The following WTIP variants were observed in gnomAD, a reference collection of about 807,000 sequenced individuals.
WTIP encodes WT1 interacting protein, also known as Wilms tumor protein 1-interacting protein.
A neutral mutation model predicts 41.7 loss-of-function variants in WTIP; 23 were observed. The ratio of observed to expected loss-of-function variants is 0.55; its 90% CI spans 0.40 to 0.78. The LOEUF (loss-of-function observed/expected upper bound fraction) is 0.78, where lower values mean the gene tolerates loss of function less well. Ranked by LOEUF, WTIP falls within the 30% of genes least tolerant of loss-of-function variation. The pLI, the probability that WTIP is intolerant of heterozygous loss-of-function variation, is 0.00. For synonymous variants in WTIP, 314 were observed against 269.9 expected, an observed-to-expected ratio of 1.16 and a Z score of -1.60; for missense variants, 619 against 610.5, an observed-to-expected ratio of 1.01 and a Z score of -0.15.
At position 34,482,380 on chromosome 19, in the gene WTIP, T is replaced by G; in HGVS notation, c.406T>G (p.Ser136Ala). The change falls in exon 1 of 8, where the codon TCG (serine) becomes GCG (alanine). Residue 136 changes from serine to alanine, a missense_variant. Around this residue, in one of 3 missense-constraint regions of WTIP, gnomAD observed 363 missense variants for 309.0 expected, o/e 1.17. Transcript: ENST00000590071. Reference sequence around the variant, plus strand: ...CCCGCGTCCCGGTCCCGGGCCGCCTTCGGTGGGCAGCGCCCGCTCCAGCGT... The same window carrying G: ...CCCGCGTCCCGGTCCCGGGCCGCCTGCGGTGGGCAGCGCCCGCTCCAGCGT... The part of the protein sequence containing the change: ...SDPRPGPGPP[S>A]VGSARSSVSS... 7.3e-7 allele frequency: 1 copy of G among 1,366,550 alleles called. No homozygotes were observed. The allele number at this position is 1,366,550 out of a possible 1,614,324, so 84.7% of individuals were successfully genotyped here.
chr19:34,493,083 G>A lies in WTIP; in HGVS notation c.816G>A (p.Val272=), dbSNP rs763815672. 27 of 1,613,822 alleles carry A rather than the reference G, an allele frequency of 1.7e-5. No homozygotes were observed. In the Admixed American group the frequency reaches 4.2e-4, roughly 25 times the overall value. Residue 272 remains valine (V), a synonymous_variant, in exon 3 of 8, where the codon GTG becomes GTA. Coordinates refer to ENST00000590071, the MANE Select transcript of WTIP (RefSeq NM_001080436.2). This position sits in a 1 kb window ranked among gnomAD's most constrained non-coding sequence, Gnocchi z 4.1. Reference sequence around the variant, plus strand: ...CGTTCTACAACGTGGGTGAGAAAGTGTACTGCCAGGAGGACTTCCTGGTGA... The same window carrying A: ...CGTTCTACAACGTGGGTGAGAAAGTATACTGCCAGGAGGACTTCCTGGTGA... ...GKAFYNVGEK[V]YCQEDFLYSG... is the part of the protein sequence containing the mutation.
chr19:34,495,906 C>T (rs2145606159), intron 7 of WTIP, 135 bp downstream of exon 7: 1 of 854,394 alleles, frequency 1.2e-6, no homozygotes, highest in Non-Finnish European at 1.8e-6. Flanking sequence ...CCTGTAATCC[C>T]AGCACTTTGG....
intron 7 of WTIP, among the ~76,000 whole-genome samples, chr19:34,498,317 A>G (rs2075866399): frequency 6.6e-6 from 1 of 152,040 alleles, no homozygotes; most frequent in Non-Finnish European, 1.5e-5. Context: ...GGTGGCATTC[A>G]TCCCTTCACC....
chr19:34,489,930 T>G (rs1481843944), intron 1 of WTIP, among the ~76,000 whole-genome samples: 1 of 152,040 alleles, frequency 6.6e-6, no homozygotes, highest in Non-Finnish European at 1.5e-5. Context: ...CGAGATCCTG[T>G]CTCTCTCCCA....
At position 34,500,250 on chromosome 19, in the gene WTIP, T is replaced by C. The variant is rs1260061952; in HGVS notation, c.1274T>C (p.Val425Ala). Residue 425 changes from valine (V) to alanine (A), a missense_variant, in exon 8 of 8, where the codon GTG (valine) becomes GCG (alanine). By Grantham distance (64) the Val-to-Ala change is moderately conservative (BLOSUM62 0). Coordinates refer to ENST00000590071, the MANE Select transcript of WTIP (RefSeq NM_001080436.2). ...LQPGPLPSPT[V>A]HVTEL ...CCTGGGCCTCTTCCCTCACCCACTGTGCACGTCACTGAGCTCTGAGCAGGG... is the reference window on the plus strand; with the variant it reads ...CCTGGGCCTCTTCCCTCACCCACTGCGCACGTCACTGAGCTCTGAGCAGGG... 6.8e-6 allele frequency: 11 copies of C among 1,608,100 alleles called. No homozygotes were observed. Among genetic ancestry groups the C allele is most frequent in the Non-Finnish European group, 9.3e-6 (11 of 1,179,208 alleles).
chr19:34,482,976 CTTCTTTCTTCTTTTTTTTTT>C (rs1165010982), intron 1 of WTIP, among the ~76,000 whole-genome samples: 27 of 139,570 alleles, frequency 1.9e-4, no homozygotes, highest in South Asian at 6.9e-4. Context: ...ATAATTTTTT[CTTCTTTCTTCTTTTTTTTTT>C]TTCTTTCTTC....
chr19:34,486,713 C>T (rs1225617879), intron 1 of WTIP, among the ~76,000 whole-genome samples: 1 of 152,034 alleles, frequency 6.6e-6, no homozygotes, highest in East Asian at 1.9e-4. Context: ...TTCCTCCCTC[C>T]TGGGACCCCT....
At position 34,482,081 on chromosome 19, in the gene WTIP, G is replaced by A; in HGVS notation, c.107G>A (p.Gly36Glu). ...GCGSPGRGRR[G>E]PRPGPGDEAA... ...GGCTCTCCCGGTCGGGGGCGGCGGG[G>A]GCCGCGGCCTGGGCCTGGAGACGAG... The change falls in exon 1 of 8, where the codon GGG becomes GAG. Residue 36 changes from glycine to glutamate, a missense_variant. Around this residue, in one of 3 missense-constraint regions of WTIP, gnomAD observed 363 missense variants for 309.0 expected, o/e 1.17. Transcript: ENST00000590071. 9.6e-7 allele frequency: 1 copy of A among 1,037,588 alleles called. No homozygotes were observed. The highest frequency in any genetic ancestry group is 8.1e-5 in the East Asian group (1 of 12,408). The allele number at this position is 1,037,588 out of a possible 1,614,324, so 64.3% of individuals were successfully genotyped here. A position where few individuals can be genotyped will look rare whatever the true frequency, so the allele number is the denominator to read the frequency against.
At chr19:34,500,008 C>G in intron 7 of WTIP, 121 bp from the exon 8 acceptor site, 1 of 1,410,658 alleles carries the variant, frequency 7.1e-7, no homozygotes, top group Non-Finnish European at 9.5e-7. Context: ...GCGGAAGAGT[C>G]TTCATGTTGT....
At position 34,508,998 on chromosome 19, in the gene WTIP, T is replaced by C. The variant is rs1436248023; in HGVS notation, c.*8729T>C. ...TATTTCTTATAAAACATCATCTGTT[T>C]TTCTACTGGACCTGGCTTTTATAAA... On this transcript the variant is annotated 3_prime_UTR_variant, in exon 8 of 8. Transcript: ENST00000590071. 4 of 152,246 alleles carry C rather than the reference T, an allele frequency of 2.6e-5. No individual in the cohort carries two copies. Among genetic ancestry groups the C allele is most frequent in the Non-Finnish European group, 4.4e-5 (3 of 68,046 alleles). 9.4% of individuals were successfully genotyped at this position (152,246 alleles called of 1,614,324 possible).
In WTIP at chr19:34,482,658, C is replaced by G. The variant is rs137959513; in HGVS notation, c.667+17C>G. 6 of 1,226,598 alleles carry G rather than the reference C, an allele frequency of 4.9e-6. No homozygotes were observed. The highest frequency in any genetic ancestry group is 5.1e-6 in the Non-Finnish European group (5 of 984,784). 76.0% of individuals were successfully genotyped at this position (1,226,598 alleles called of 1,614,324 possible). A position where few individuals can be genotyped will look rare whatever the true frequency, so the allele number is the denominator to read the frequency against. Reference sequence around the variant, plus strand: ...ACTACTTCGGTGAGCTCGCTCGGCCCGGCAGTTCCCTGCGCGCATGGCTGG... The same window carrying G: ...ACTACTTCGGTGAGCTCGCTCGGCCGGGCAGTTCCCTGCGCGCATGGCTGG... On this transcript the variant is annotated intron_variant, in intron 1 of 7. Transcript: ENST00000590071.
At chr19:34,483,560 A>G (rs1352316857) in intron 1 of WTIP, among the ~76,000 whole-genome samples, 1 of 152,122 alleles carries the variant, frequency 6.6e-6, no homozygotes, top group Admixed American at 6.5e-5. Flanking sequence ...GGAGAGGGGA[A>G]CCGTGCCAGT....
intron 1 of WTIP, among the ~76,000 whole-genome samples, chr19:34,487,640 A>G (rs1390749238): frequency 1.3e-5 from 2 of 152,212 alleles, no homozygotes; most frequent in Non-Finnish European, 2.9e-5. Flanking sequence ...AGTGTGGGCC[A>G]TGTTCTCTTT....
At chr19:34,500,053 GT>G in intron 7 of WTIP, 75 bp from the exon 8 acceptor site, 1 of 1,549,768 alleles carries the variant, frequency 6.5e-7, no homozygotes. Context: ...CCTCCCCTCC[GT>G]CCCTCCCCCG....
chr19:34,500,109 GGGGCTGTGTTCTTCCCTAGGACTGC>G lies in WTIP; in HGVS notation c.1153-13_1164del, dbSNP rs773178066. On this transcript the variant is annotated splice_acceptor_variant and splice_polypyrimidine_tract_variant and coding_sequence_variant and intron_variant, in exon 8 of 8. Coordinates refer to ENST00000590071, the MANE Select transcript of WTIP (RefSeq NM_001080436.2). LOFTEE classifies it high-confidence loss of function. ...CGCTTGTCTGCTGACTCTGGGGCTGGGGGCTGTGTTCTTCCCTAGGACTGCGGGCTGCAGCTGAGCGGGGAGGAGG... is the reference window on the plus strand; with the variant it reads ...CGCTTGTCTGCTGACTCTGGGGCTGGGGGCTGCAGCTGAGCGGGGAGGAGG... The G allele has an allele frequency of 6.9e-6, 11 of 1,597,768 alleles. No homozygotes were observed. The African/African-American group carries it at 1.1e-4, about 16-fold the overall frequency.
rs200387498 is a variant in WTIP at position 34,496,256 on chromosome 19, C to T, written c.1152+485C>T. 1.2e-4 allele frequency among the ~76,000 whole-genome samples: 19 copies of T among 152,358 alleles called. No individual in the cohort carries two copies. The East Asian group carries it at 3.7e-3, about 29-fold the overall frequency. ...GCACGATTATAGCTCACTGGAGCCT[C>T]AACCTCCTGGCTCAAGCTATCTTCT... On this transcript the variant is annotated intron_variant, in intron 7 of 7. Transcript: ENST00000590071.
Position 34,500,505 on chromosome 19 carries a change from A to T in WTIP, c.*236A>T, listed in dbSNP as rs2075879534. 2 of 566,616 alleles carry T rather than the reference A, an allele frequency of 3.5e-6. No homozygotes were observed. Among genetic ancestry groups the T allele is most frequent in the Admixed American group, 3.3e-5 (1 of 30,474 alleles). 35.1% of individuals were successfully genotyped at this position (566,616 alleles called of 1,614,324 possible). On this transcript the variant is annotated 3_prime_UTR_variant, in exon 8 of 8. Transcript: ENST00000590071. ...ACCCCATCACCAGCTTTCCACTTGG[A>T]GGCCCCCTGTGCCCTGCAGCCTCAG...
chr19:34,484,884 C>T (rs8105320), intron 1 of WTIP, among the ~76,000 whole-genome samples: 1 of 147,002 alleles, frequency 6.8e-6, no homozygotes, highest in African/African-American at 2.6e-5. Flanking sequence ...GAGCTATGAT[C>T]GTGCCACTGC....
intron 1 of WTIP, among the ~76,000 whole-genome samples, chr19:34,486,920 CTTTG>C (rs1432353120): frequency 2.2e-5 from 3 of 139,080 alleles, no homozygotes; most frequent in African/African-American, 9.4e-5. Context: ...GGCCCCTTCC[CTTTG>C]TTTCTTTTTA....
Sources: gnomAD v4.1 joint callset for allele counts (sites outside exome capture counted in the v4.1 genomes callset) on GRCh38, gnomAD v4.1.1 for gene constraint, gnomAD v4.1.1 regional missense constraint, Gnocchi (gnomAD v3.1) non-coding constraint, MANE v1.5 for transcripts, NCBI Gene and HGNC (gene_info 2026-07-23, HGNC 2026-07-21) for gene names.